The following RXFP1 variants were observed in gnomAD, a reference collection of about 807,000 sequenced individuals.
RXFP1 encodes the protein relaxin receptor 1.
RXFP1 carries 73 observed loss-of-function variants against 89.8 expected under a neutral mutation model. The ratio of observed to expected loss-of-function variants is 0.81; its 90% confidence interval spans 0.67 to 0.99. The LOEUF is 0.99. Ranked by LOEUF, RXFP1 falls within the 50% of genes least tolerant of loss-of-function variation. The probability of loss-of-function intolerance (pLI) is 0.00; values close to 1 mark genes in which losing one functional copy is unlikely to be tolerated. For missense variants in RXFP1, 793 were observed against 895.5 expected (o/e 0.89, Z 1.46); for synonymous variants, 277 against 305.5 (o/e 0.91, Z 0.97).
intron 15 of RXFP1, among the ~76,000 whole-genome samples, chr4:158,645,665 T>G (rs996474461): frequency 2.0e-5 from 3 of 152,092 alleles, no homozygotes; most frequent in Non-Finnish European, 4.4e-5. Flanking sequence ...AATGGCAAGG[T>G]GTTATGTTAA....
intron 14 of RXFP1, among the ~76,000 whole-genome samples, chr4:158,643,247 T>C (rs1770735056): frequency 6.6e-6 from 1 of 152,138 alleles, no homozygotes; most frequent in Non-Finnish European, 1.5e-5. Flanking sequence ...CAGCTTAATT[T>C]TTCAGGCTGC....
intron 1 of RXFP1, among the ~76,000 whole-genome samples, chr4:158,526,754 T>A (rs992861913): frequency 2.6e-4 from 34 of 132,044 alleles, no homozygotes; most frequent in African/African-American, 8.9e-4. Flanking sequence ...CAATATTTTA[T>A]GATAATGAAT....
chr4:158,540,869 A>G (rs1304612817), intron 1 of RXFP1, among the ~76,000 whole-genome samples: 2 of 152,158 alleles, frequency 1.3e-5, no homozygotes, highest in Non-Finnish European at 2.9e-5. Context: ...AAAAAAGGCA[A>G]AAGCAGGAAA....
At chr4:158,541,774 TAC>T (rs929965765) in intron 1 of RXFP1, among the ~76,000 whole-genome samples, 7 of 152,112 alleles carry the variant, frequency 4.6e-5, no homozygotes, top group African/African-American at 1.7e-4. Flanking sequence ...TCCAAAGAGT[TAC>T]AGTCTCTTAG....
chr4:158,628,716 A>G lies in RXFP1; in HGVS notation c.899+7A>G, dbSNP rs2150192989. ...TCCAGAAACTGGATGAATTGTAAGT[A>G]TGACTGAACATATACTGATAAGAAT... On this transcript the variant is annotated splice_region_variant and intron_variant, in intron 11 of 17. Transcript: ENST00000307765. 1 of 1,470,130 alleles carries G rather than the reference A, an allele frequency of 6.8e-7. No homozygotes were observed. Among genetic ancestry groups the G allele is most frequent in the Non-Finnish European group, 9.5e-7 (1 of 1,054,406 alleles). The allele number at this position is 1,470,130 out of a possible 1,614,324, so 91.1% of individuals were successfully genotyped here.
At chr4:158,534,299 G>A (rs572114354) in intron 1 of RXFP1, among the ~76,000 whole-genome samples, 1 of 149,244 alleles carries the variant, frequency 6.7e-6, no homozygotes, top group East Asian at 2.0e-4. Flanking sequence ...CCAGGCTGGA[G>A]TGCAATGGTG....
At chr4:158,586,743 T>C (rs1758375989) in intron 2 of RXFP1, among the ~76,000 whole-genome samples, 1 of 152,172 alleles carries the variant, frequency 6.6e-6, no homozygotes, top group Non-Finnish European at 1.5e-5. Flanking sequence ...GAAAATACTT[T>C]GGAAAGGCAG....
Position 158,645,014 on chromosome 4 carries a change from T to C in RXFP1, c.1221T>C (p.Ile407=). Residue 407 remains isoleucine, a synonymous_variant, in exon 15 of 18, where the codon ATT becomes ATC. Coordinates refer to ENST00000307765, the MANE Select transcript of RXFP1 (RefSeq NM_021634.4). ...TAGAGAATCTCTTGGCAAGCATTAT[T>C]CAGAGAGTATTTGTCTGGGTTGTAT... ...SSLENLLASI[I]QRVFVWVVSA... is the part of the protein sequence containing the mutation. 6.2e-7 allele frequency: 1 copy of C among 1,614,176 alleles called. No individual in the cohort carries two copies. Among genetic ancestry groups the C allele is most frequent in the Non-Finnish European group, 8.5e-7 (1 of 1,179,992 alleles).
intron 16 of RXFP1, 79 bp from the exon 17 acceptor site, chr4:158,648,420 T>A (rs1286817346): frequency 9.3e-6 from 8 of 858,206 alleles, no homozygotes; most frequent in Non-Finnish European, 1.4e-5. Context: ...TCTTTAATAA[T>A]AAAAATGTTT....
chr4:158,626,111 T>G (rs10034157), intron 9 of RXFP1, among the ~76,000 whole-genome samples: 32,055 of 136,710 alleles, frequency 0.23, 5,472 homozygotes, highest in African/African-American at 0.52. Flanking sequence ...TAGATATCTA[T>G]ATAGATAGAT....
chr4:158,608,138 C>T (rs923657845), intron 6 of RXFP1, 95 bp downstream of exon 6: 2 of 781,858 alleles, frequency 2.6e-6, no homozygotes, highest in Non-Finnish European at 4.2e-6. Context: ...ATGACAGTAC[C>T]AAGGAGCCAT....
intron 1 of RXFP1, among the ~76,000 whole-genome samples, chr4:158,566,102 A>G (rs1753485833): frequency 6.6e-6 from 1 of 152,262 alleles, no homozygotes. Flanking sequence ...TCCTTTTACT[A>G]CAAAGGACAT....
chr4:158,645,623 G>T (rs944077901), intron 15 of RXFP1, among the ~76,000 whole-genome samples: 1 of 152,090 alleles, frequency 6.6e-6, no homozygotes, highest in African/African-American at 2.4e-5. Context: ...TTTTTAGGGA[G>T]TATTCATTTT....
chr4:158,567,371 G>T (rs1409662978), intron 1 of RXFP1, among the ~76,000 whole-genome samples: 1 of 152,208 alleles, frequency 6.6e-6, no homozygotes, highest in Non-Finnish European at 1.5e-5. Context: ...TCCTGAGTCT[G>T]GTGGGCACTT....
chr4:158,633,095 G>A (rs567591853), intron 11 of RXFP1, among the ~76,000 whole-genome samples: 3 of 152,104 alleles, frequency 2.0e-5, no homozygotes, highest in South Asian at 2.1e-4. Flanking sequence ...ACTTGAACCC[G>A]GGAGACAGAG....
intron 2 of RXFP1, among the ~76,000 whole-genome samples, chr4:158,574,991 G>T (rs1282913765): frequency 6.6e-6 from 1 of 152,180 alleles, no homozygotes; most frequent in Admixed American, 6.5e-5. Context: ...CCGTCGACCT[G>T]CTGGCAGTTC....
At chr4:158,638,581 G>A (rs539226158) in intron 13 of RXFP1, among the ~76,000 whole-genome samples, 18 of 152,180 alleles carry the variant, frequency 1.2e-4, no homozygotes, top group Non-Finnish European at 2.1e-4. Context: ...TCCGAAGCAG[G>A]AGGATTGCTT....
At chr4:158,543,417 A>T (rs1747349065) in intron 1 of RXFP1, among the ~76,000 whole-genome samples, 1 of 152,216 alleles carries the variant, frequency 6.6e-6, no homozygotes, top group South Asian at 2.1e-4. Context: ...TCTAGTTTTT[A>T]GGTCTCATGG....
intron 4 of RXFP1, among the ~76,000 whole-genome samples, chr4:158,599,927 TC>T (rs1761364781): frequency 6.6e-6 from 1 of 152,222 alleles, no homozygotes; most frequent in African/African-American, 2.4e-5. Context: ...ACATTTTGAG[TC>T]ATAGATGTTA....
Sources: allele counts gnomAD v4.1 joint callset (sites outside exome capture counted in the v4.1 genomes callset), GRCh38; gene constraint gnomAD v4.1.1; transcripts MANE v1.5; gene names NCBI Gene and HGNC (gene_info 2026-07-23, HGNC 2026-07-21).